Variants in RBM47 observed in about 807,000 individuals in gnomAD.
RBM47 encodes RNA-binding protein 47.
RBM47 carries 21 observed loss-of-function variants against 47.1 expected under a neutral mutation model. The ratio of observed to expected loss-of-function variants is 0.45; its 90% CI spans 0.32 to 0.64. The LOEUF (loss-of-function observed/expected upper bound fraction) is 0.64, where lower values mean the gene tolerates loss of function less well. Ranked by LOEUF, RBM47 falls within the 30% of genes least tolerant of loss-of-function variation. The pLI, the probability that RBM47 is intolerant of heterozygous loss-of-function variation, is 0.05. For missense variants in RBM47, 708 were observed against 870.9 expected (o/e 0.81, Z 2.35); for synonymous variants, 375 against 361.7 (o/e 1.04, Z -0.42).
At chr4:40,545,494 T>G (rs1289643304) in intron 1 of RBM47, among the ~76,000 whole-genome samples, 1 of 149,396 alleles carries the variant, frequency 6.7e-6, no homozygotes, top group Non-Finnish European at 1.5e-5. Flanking sequence ...TGAAACCCCA[T>G]CTCTACTAAA....
At chr4:40,528,087 C>CA (rs1266011049) in intron 2 of RBM47, among the ~76,000 whole-genome samples, 2 of 152,138 alleles carry the variant, frequency 1.3e-5, no homozygotes, top group East Asian at 3.9e-4. Flanking sequence ...ACTAAGGTTA[C>CA]AAAATAAATG....
intron 3 of RBM47, among the ~76,000 whole-genome samples, chr4:40,451,054 T>C (rs1340339290): frequency 6.6e-6 from 1 of 151,826 alleles, no homozygotes; most frequent in Non-Finnish European, 1.5e-5. Context: ...CTCTTACGAA[T>C]AGTCAAGGCT....
In RBM47 at chr4:40,589,815, T is replaced by C. The variant is rs16852379; in HGVS notation, c.-240+39581A>G. 5.4e-3 allele frequency among the ~76,000 whole-genome samples: 822 copies of C among 152,262 alleles called. 8 individuals are homozygous for C. The highest frequency in any genetic ancestry group is 0.018 in the African/African-American group (766 of 41,546). On this transcript the variant is annotated intron_variant, in intron 1 of 6. Coordinates refer to ENST00000295971, the MANE Select transcript of RBM47 (RefSeq NM_001098634.2). ...AATAAAGCTGTTTTTAATTCTGGCA[T>C]TTAGGAACATGAGGAGCACATAAGA...
intron 3 of RBM47, among the ~76,000 whole-genome samples, chr4:40,456,367 A>G (rs2154220459): frequency 6.6e-6 from 1 of 152,246 alleles, no homozygotes; most frequent in Non-Finnish European, 1.5e-5. Context: ...TTTTAATTAT[A>G]AAAGTCATCT....
intron 1 of RBM47, among the ~76,000 whole-genome samples, chr4:40,598,112 G>C (rs1426312289): frequency 3.3e-5 from 5 of 152,182 alleles, no homozygotes; most frequent in African/African-American, 9.6e-5. Context: ...AGGATCAAAA[G>C]ATTAGAAACA....
At chr4:40,593,736 T>A (rs182174901) in intron 1 of RBM47, among the ~76,000 whole-genome samples, 142 of 151,706 alleles carry the variant, frequency 9.4e-4, no homozygotes, top group African/African-American at 3.4e-3. Flanking sequence ...AAAACAAAAT[T>A]AGCTGGGCGT....
chr4:40,513,053 G>A (rs1215652361), intron 2 of RBM47, among the ~76,000 whole-genome samples: 1 of 152,244 alleles, frequency 6.6e-6, no homozygotes, highest in Non-Finnish European at 1.5e-5. Context: ...AACCTGCCAT[G>A]CTTCCAGGGA....
At position 40,425,043 on chromosome 4, in the gene RBM47, A is replaced by G. The variant is rs1714834381; in HGVS notation, c.*861T>C. The G allele has an allele frequency of 6.6e-6, 1 of 152,220 alleles. No individual in the cohort carries two copies. Among genetic ancestry groups the G allele is most frequent in the South Asian group, 2.1e-4 (1 of 4,828 alleles). 9.4% of individuals were successfully genotyped at this position (152,220 alleles called of 1,614,324 possible). A position where few individuals can be genotyped will look rare whatever the true frequency, so the allele number is the denominator to read the frequency against. ...AACAAAAACCCAGGAAGAAGTATAA[A>G]AGCCACCAGCTCCTCTATCAGAGCT... is the stretch of plus-strand genomic sequence containing the variant. On this transcript the variant is annotated 3_prime_UTR_variant, in exon 7 of 7. Coordinates refer to ENST00000295971, the MANE Select transcript of RBM47 (RefSeq NM_001098634.2).
chr4:40,576,819 G>C (rs1732383585), intron 1 of RBM47, among the ~76,000 whole-genome samples: 1 of 152,180 alleles, frequency 6.6e-6, no homozygotes, highest in South Asian at 2.1e-4. Context: ...TAAACACTTT[G>C]CATGTGTTAT....
Position 40,571,405 on chromosome 4 carries a change from A to C in RBM47, c.-239-26899T>G, listed in dbSNP as rs186921801. On this transcript the variant is annotated intron_variant, in intron 1 of 6. Coordinates refer to ENST00000295971, the MANE Select transcript of RBM47 (RefSeq NM_001098634.2). ...TGTTGGGACAACTAGATATTCATCT[A>C]GAAAAAAATAAGTTGTATCTATACC... 1.1e-3 allele frequency among the ~76,000 whole-genome samples: 173 copies of C among 152,148 alleles called. 3 individuals are homozygous for C. Among genetic ancestry groups the C allele is most frequent in the South Asian group, 0.011 (53 of 4,824 alleles).
intron 1 of RBM47, among the ~76,000 whole-genome samples, chr4:40,597,356 G>A (rs1451296866): frequency 6.6e-6 from 1 of 152,164 alleles, no homozygotes; most frequent in Non-Finnish European, 1.5e-5. Context: ...AACACTTTGG[G>A]AGGCTGAGGG....
intron 1 of RBM47, among the ~76,000 whole-genome samples, chr4:40,592,426 CT>C (rs80061075): frequency 2.1e-3 from 288 of 137,468 alleles, no homozygotes; most frequent in Middle Eastern, 7.4e-3. Flanking sequence ...TTTTTTTTTT[CT>C]TTTTTTTTTT....
intron 2 of RBM47, among the ~76,000 whole-genome samples, chr4:40,519,734 A>G (rs182509549): frequency 9.7e-5 from 14 of 144,244 alleles, no homozygotes; most frequent in South Asian, 4.3e-4. Flanking sequence ...TAGTGGCTCA[A>G]TCTTGGCTCA....
chr4:40,541,195 G>A (rs1057374495), intron 2 of RBM47, among the ~76,000 whole-genome samples: 1 of 150,462 alleles, frequency 6.6e-6, no homozygotes, highest in Admixed American at 6.7e-5. Context: ...GAGCCCAGGA[G>A]TTCGAGGCTG....
Position 40,559,526 on chromosome 4 carries a change from A to T in RBM47, c.-239-15020T>A, listed in dbSNP as rs190040112. On this transcript the variant is annotated intron_variant, in intron 1 of 6. Coordinates refer to ENST00000295971, the MANE Select transcript of RBM47 (RefSeq NM_001098634.2). ...TTGGAGATCTTATCTAAATTTTTTA[A>T]AAATAAGACTGTTAAGGAAGAAAAA... 3.9e-5 allele frequency among the ~76,000 whole-genome samples: 6 copies of T among 152,380 alleles called. 1 individual carries two copies. In the East Asian group the frequency reaches 1.2e-3, roughly 29 times the overall value.
chr4:40,457,439 CA>C (rs751589943), intron 3 of RBM47, among the ~76,000 whole-genome samples: 12 of 130,070 alleles, frequency 9.2e-5, no homozygotes, highest in Admixed American at 7.1e-4. Context: ...AAAAAAAAAA[CA>C]AAAAAAAGGC....
intron 1 of RBM47, among the ~76,000 whole-genome samples, chr4:40,621,998 G>A (rs1278179826): frequency 6.6e-6 from 1 of 152,230 alleles, no homozygotes; most frequent in East Asian, 1.9e-4. Flanking sequence ...AGAAAGGTAT[G>A]TTCGTGGTTG....
intron 5 of RBM47, among the ~76,000 whole-genome samples, chr4:40,435,070 G>C (rs187551516): frequency 1.3e-5 from 2 of 152,110 alleles, no homozygotes; most frequent in African/African-American, 4.8e-5. Flanking sequence ...TCAGAAGACC[G>C]GCCTCACATT....
At chr4:40,436,094 C>A (rs1712308358) in intron 5 of RBM47, among the ~76,000 whole-genome samples, 2 of 150,970 alleles carry the variant, frequency 1.3e-5, no homozygotes, top group South Asian at 4.2e-4. Context: ...ATGGTGTGCA[C>A]CCAGGAGGCA....
Sources: gnomAD v4.1 joint callset for allele counts (sites outside exome capture counted in the v4.1 genomes callset) on GRCh38, gnomAD v4.1.1 for gene constraint, MANE v1.5 for transcripts, NCBI Gene and HGNC (gene_info 2026-07-23, HGNC 2026-07-21) for gene names.